The following MTUS2 variants were observed in gnomAD, a reference collection of about 807,000 sequenced individuals.
MTUS2 encodes the protein microtubule associated scaffold protein 2.
MTUS2 carries 40 observed loss-of-function variants against 114.1 expected under a neutral mutation model. The observed-to-expected ratio is 0.35, with a 90% CI of 0.27 to 0.46. MTUS2 has a LOEUF of 0.46. MTUS2 is among the 20% of genes least tolerant of loss of function. The pLI, the probability that MTUS2 is intolerant of heterozygous loss-of-function variation, is 1.00. For synonymous variants in MTUS2, 688 were observed against 672.0 expected (o/e 1.02, Z -0.37); for missense variants, 1,679 against 1,705.4 (o/e 0.98, Z 0.27).
chr13:29,354,659 C>T (rs1869590637), intron 7 of MTUS2, among the ~76,000 whole-genome samples: 1 of 152,068 alleles, frequency 6.6e-6, no homozygotes, highest in Non-Finnish European at 1.5e-5. Flanking sequence ...CTGGTGCTGC[C>T]CAAATTTGTA....
chr13:29,481,912 C>T (rs991499317), intron 10 of MTUS2, among the ~76,000 whole-genome samples: 2 of 152,052 alleles, frequency 1.3e-5, no homozygotes, highest in Non-Finnish European at 2.9e-5. Flanking sequence ...GAAACTGAAC[C>T]CCCGGTGTCG....
At chr13:29,399,244 A>G (rs9578097) in intron 8 of MTUS2, among the ~76,000 whole-genome samples, 66,570 of 151,842 alleles carry the variant, frequency 0.44, 15,772 homozygotes, top group Non-Finnish European at 0.53. Context: ...ACCAAAGGAC[A>G]CTCTCGTCTC....
chr13:29,353,110 G>A (rs1869436512), intron 7 of MTUS2, among the ~76,000 whole-genome samples: 1 of 152,262 alleles, frequency 6.6e-6, no homozygotes, highest in African/African-American at 2.4e-5. Flanking sequence ...TTACATGCCA[G>A]GGGATATTTT....
intron 5 of MTUS2, among the ~76,000 whole-genome samples, chr13:29,153,888 A>G (rs1384843759): frequency 1.3e-5 from 2 of 152,250 alleles, no homozygotes; most frequent in African/African-American, 4.8e-5. Flanking sequence ...TAATAGAAGT[A>G]TGCAGCTGTT....
chr13:29,297,347 A>T (rs1398735829), intron 6 of MTUS2, among the ~76,000 whole-genome samples: 1 of 152,214 alleles, frequency 6.6e-6, no homozygotes, highest in African/African-American at 2.4e-5. Flanking sequence ...TTTTTAAAAA[A>T]GATACGTTTG....
chr13:29,318,719 C>T (rs1027644548), intron 6 of MTUS2, among the ~76,000 whole-genome samples: 13 of 152,108 alleles, frequency 8.5e-5, no homozygotes, highest in Non-Finnish European at 1.8e-4. Flanking sequence ...GTTGTCGAAG[C>T]CACTGATAGC....
At chr13:29,298,468 T>C (rs1269093908) in intron 6 of MTUS2, among the ~76,000 whole-genome samples, 1 of 152,224 alleles carries the variant, frequency 6.6e-6, no homozygotes, top group Non-Finnish European at 1.5e-5. Flanking sequence ...ATAAGTAGCT[T>C]GTTAACATCA....
intron 4 of MTUS2, among the ~76,000 whole-genome samples, chr13:29,050,654 C>T (rs576297544): frequency 1.4e-4 from 22 of 152,356 alleles, no homozygotes; most frequent in South Asian, 6.2e-4. Context: ...TGATCTTTCA[C>T]TCTGGTTCTA....
At chr13:28,934,463 A>AT (rs11291737) in intron 2 of MTUS2, among the ~76,000 whole-genome samples, 6 of 151,916 alleles carry the variant, frequency 3.9e-5, no homozygotes, top group East Asian at 1.9e-4. Flanking sequence ...CTTTATTTTT[A>AT]TTTTTTTACC....
intron 5 of MTUS2, among the ~76,000 whole-genome samples, chr13:29,258,827 T>G (rs1897366297): frequency 6.6e-6 from 1 of 152,200 alleles, no homozygotes; most frequent in Non-Finnish European, 1.5e-5. Context: ...GTCTCACTGT[T>G]CAGGGTGGGA....
intron 2 of MTUS2, among the ~76,000 whole-genome samples, chr13:28,955,619 G>A (rs1053527614): frequency 6.6e-6 from 1 of 152,184 alleles, no homozygotes; most frequent in Non-Finnish European, 1.5e-5. Flanking sequence ...TGAAATGAAA[G>A]CTTCATTTGT....
chr13:29,199,061 C>G (rs1300207530), intron 5 of MTUS2, among the ~76,000 whole-genome samples: 1 of 152,142 alleles, frequency 6.6e-6, no homozygotes, highest in Non-Finnish European at 1.5e-5. Context: ...TTATTTCTTT[C>G]TCTTGCCTGA....
chr13:28,940,467 C>A (rs561036201), intron 2 of MTUS2, among the ~76,000 whole-genome samples: 1 of 152,050 alleles, frequency 6.6e-6, no homozygotes, highest in East Asian at 1.9e-4. Context: ...GGAGAAGGGG[C>A]GTGGGAAGTA....
chr13:29,363,549 A>T (rs981458856), intron 8 of MTUS2, among the ~76,000 whole-genome samples: 1 of 152,170 alleles, frequency 6.6e-6, no homozygotes, highest in Non-Finnish European at 1.5e-5. Context: ...ACCTTTTATC[A>T]CAAAAAAAAT....
intron 8 of MTUS2, among the ~76,000 whole-genome samples, chr13:29,376,707 A>G (rs1186791725): frequency 6.6e-6 from 1 of 152,170 alleles, no homozygotes; most frequent in Non-Finnish European, 1.5e-5. Context: ...CTTTCTCACA[A>G]CAGCAGAGTT....
intron 6 of MTUS2, among the ~76,000 whole-genome samples, chr13:29,317,231 GA>G (rs1331561135): frequency 6.6e-6 from 1 of 152,114 alleles, no homozygotes; most frequent in Non-Finnish European, 1.5e-5. Context: ...CATGTGTGTT[GA>G]AATGGAACAA....
intron 1 of MTUS2, among the ~76,000 whole-genome samples, chr13:28,837,111 G>T (rs950600582): frequency 6.6e-6 from 1 of 152,180 alleles, no homozygotes; most frequent in Non-Finnish European, 1.5e-5. Flanking sequence ...TTCTCTGGTA[G>T]TGTCCATCTG....
chr13:28,850,270 A>G (rs553924284), intron 2 of MTUS2, among the ~76,000 whole-genome samples: 2 of 152,392 alleles, frequency 1.3e-5, no homozygotes, highest in South Asian at 4.1e-4. Flanking sequence ...GACATTAGAC[A>G]GATACATTCC....
chr13:29,244,252 T>C (rs191367079), intron 5 of MTUS2, among the ~76,000 whole-genome samples: 120 of 152,000 alleles, frequency 7.9e-4, no homozygotes, highest in Non-Finnish European at 2.1e-4. Flanking sequence ...GCAGTTCCAG[T>C]GTGAAAATAA....
Sources: gnomAD v4.1 joint callset for allele counts (sites outside exome capture counted in the v4.1 genomes callset) on GRCh38, gnomAD v4.1.1 for gene constraint, MANE v1.5 for transcripts, NCBI Gene and HGNC (gene_info 2026-07-23, HGNC 2026-07-21) for gene names.